AFG2A: variants seen among roughly 807,000 people sequenced by gnomAD.
AFG2A encodes ATPase family gene 2 protein homolog A.
the AFG2A span, among the ~76,000 whole-genome samples, chr4:123,204,509 G>A: frequency 6.6e-6 from 1 of 152,018 alleles, no homozygotes; most frequent in African/African-American, 2.4e-5. Context: ...TTCTTCTTTG[G>A]TGAAATGTCC....
At chr4:123,102,726 C>A in the AFG2A span, among the ~76,000 whole-genome samples, 3 of 150,736 alleles carry the variant, frequency 2.0e-5, no homozygotes, top group South Asian at 2.1e-4. Flanking sequence ...AGTAGAAGGG[C>A]AATTTGGTGG....
the AFG2A span, among the ~76,000 whole-genome samples, chr4:123,000,343 TG>T: frequency 6.6e-6 from 1 of 150,854 alleles, no homozygotes; most frequent in Non-Finnish European, 1.5e-5. Context: ...AACACTATGT[TG>T]AATAGGAGTG....
chr4:123,019,687 TG>T, the AFG2A span, among the ~76,000 whole-genome samples: 1 of 152,330 alleles, frequency 6.6e-6, no homozygotes, highest in East Asian at 1.9e-4. Context: ...TATTAATTTG[TG>T]TAAAGACAGA....
the AFG2A span, among the ~76,000 whole-genome samples, chr4:123,213,200 C>T: frequency 6.6e-6 from 1 of 152,088 alleles, no homozygotes; most frequent in Non-Finnish European, 1.5e-5. Flanking sequence ...GATACCATTT[C>T]TTATATGCAG....
chr4:122,947,380 CT>C, the AFG2A span: 8 of 1,613,956 alleles, frequency 5.0e-6, no homozygotes, highest in Non-Finnish European at 6.8e-6. Context: ...TCTCCAGAAA[CT>C]GCTTCGAAGG....
At chr4:123,048,833 C>G in the AFG2A span, among the ~76,000 whole-genome samples, 1 of 152,006 alleles carries the variant, frequency 6.6e-6, no homozygotes, top group East Asian at 1.9e-4. Context: ...TGACTTCTTC[C>G]TTTTCAATTC....
the AFG2A span, among the ~76,000 whole-genome samples, chr4:122,963,300 A>G: frequency 6.6e-6 from 1 of 152,158 alleles, no homozygotes; most frequent in African/African-American, 2.4e-5. Flanking sequence ...CTGTCATTCA[A>G]AGGTTGGGTT....
the AFG2A span, among the ~76,000 whole-genome samples, chr4:123,032,911 T>C: frequency 2.0e-5 from 3 of 152,192 alleles, no homozygotes; most frequent in Admixed American, 6.5e-5. Context: ...ATGTTTAAGG[T>C]GGGCTGATCT....
At chr4:123,059,926 G>A in the AFG2A span, among the ~76,000 whole-genome samples, 1 of 152,150 alleles carries the variant, frequency 6.6e-6, no homozygotes, top group Non-Finnish European at 1.5e-5. Context: ...ATTTTTTCAT[G>A]TGTTTTTTGG....
the AFG2A span, among the ~76,000 whole-genome samples, chr4:123,085,453 C>G: frequency 6.6e-6 from 1 of 151,878 alleles, no homozygotes; most frequent in African/African-American, 2.4e-5. Flanking sequence ...TATATAATAC[C>G]CCTTTTGGTC....
chr4:123,227,016 C>A, the AFG2A span, among the ~76,000 whole-genome samples: 1 of 152,152 alleles, frequency 6.6e-6, no homozygotes, highest in Non-Finnish European at 1.5e-5. Flanking sequence ...TTATAATATT[C>A]TCTGATGGTA....
chr4:123,225,444 C>T, the AFG2A span, among the ~76,000 whole-genome samples: 1 of 152,140 alleles, frequency 6.6e-6, no homozygotes, highest in Admixed American at 6.5e-5. Flanking sequence ...GCCAGTTTTC[C>T]CAGCACCATT....
chr4:123,152,888 A>G, the AFG2A span, among the ~76,000 whole-genome samples: 2 of 152,250 alleles, frequency 1.3e-5, no homozygotes, highest in Admixed American at 6.5e-5. Context: ...TAAATAGAAG[A>G]GAAACTTGGG....
chr4:123,140,971 G>A, the AFG2A span, among the ~76,000 whole-genome samples: 2 of 152,076 alleles, frequency 1.3e-5, no homozygotes, highest in African/African-American at 4.8e-5. Flanking sequence ...TAACTTCATA[G>A]TATTCTGTCC....
chr4:123,242,488 A>G, the AFG2A span, among the ~76,000 whole-genome samples: 4 of 152,256 alleles, frequency 2.6e-5, no homozygotes, highest in East Asian at 1.9e-4. Flanking sequence ...GACAAAAACA[A>G]GAAGTGGGGA....
At chr4:123,234,895 A>G in the AFG2A span, among the ~76,000 whole-genome samples, 1 of 152,170 alleles carries the variant, frequency 6.6e-6, no homozygotes, top group Admixed American at 6.5e-5. Flanking sequence ...TATTATCTAT[A>G]AAGTGAGACT....
the AFG2A span, among the ~76,000 whole-genome samples, chr4:123,105,648 T>C: frequency 6.6e-6 from 1 of 152,120 alleles, no homozygotes; most frequent in African/African-American, 2.4e-5. Flanking sequence ...AAGAAGTTGA[T>C]TCCAGCCCTC....
At chr4:123,181,988 T>G in the AFG2A span, among the ~76,000 whole-genome samples, 1 of 152,216 alleles carries the variant, frequency 6.6e-6, no homozygotes, top group Admixed American at 6.5e-5. Flanking sequence ...TCAGAAAGTC[T>G]GAATTTGGGT....
the AFG2A span, among the ~76,000 whole-genome samples, chr4:122,925,443 G>C: frequency 6.6e-6 from 1 of 152,122 alleles, no homozygotes; most frequent in Non-Finnish European, 1.5e-5. Flanking sequence ...TCTTGATGCA[G>C]CCTATTGCAC....
Sources: gnomAD v4.1 joint callset for allele counts (sites outside exome capture counted in the v4.1 genomes callset) on GRCh38, gnomAD v4.1.1 for gene constraint, MANE v1.5 for transcripts, NCBI Gene and HGNC (gene_info 2026-07-23, HGNC 2026-07-21) for gene names.